The following GARIN1B variants were observed in gnomAD, a reference collection of about 807,000 sequenced individuals.
GARIN1B encodes golgi associated RAB2 interactor 1B, also known as Golgi-associated RAB2 interactor protein 1B.
At chr7:128,721,155 T>C in the GARIN1B span, among the ~76,000 whole-genome samples, 1 of 152,136 alleles carries the variant, frequency 6.6e-6, no homozygotes, top group Non-Finnish European at 1.5e-5. Flanking sequence ...TTTGTAGCTT[T>C]TGTTTTGTTT....
At chr7:128,724,623 G>A in the GARIN1B span, 1 of 936,220 alleles carries the variant, frequency 1.1e-6, no homozygotes, top group African/African-American at 1.7e-5. Context: ...GGGTACCACA[G>A]AATATTCAGT....
At chr7:128,709,882 G>T in the GARIN1B span, among the ~76,000 whole-genome samples, 1 of 151,844 alleles carries the variant, frequency 6.6e-6, no homozygotes, top group African/African-American at 2.4e-5. Context: ...CTCCTGAGTA[G>T]CTGGGATTAC....
chr7:128,729,361 A>T, the GARIN1B span, among the ~76,000 whole-genome samples: 7 of 152,222 alleles, frequency 4.6e-5, no homozygotes, highest in African/African-American at 4.8e-5. Flanking sequence ...ATGTCCAAAC[A>T]GTCCCCCATA....
chr7:128,724,851 C>G, the GARIN1B span: 2 of 1,289,300 alleles, frequency 1.6e-6, no homozygotes, highest in Non-Finnish European at 2.0e-6. Context: ...ACCAGTACAG[C>G]TTGGAGGAGG....
the GARIN1B span, among the ~76,000 whole-genome samples, chr7:128,727,558 G>A: frequency 7.2e-5 from 11 of 152,260 alleles, no homozygotes; most frequent in African/African-American, 2.6e-4. Flanking sequence ...CTATTTCCAG[G>A]TTCTAGTTCA....
the GARIN1B span, among the ~76,000 whole-genome samples, chr7:128,723,818 C>G: frequency 6.6e-6 from 1 of 151,682 alleles, no homozygotes; most frequent in African/African-American, 2.4e-5. Context: ...AGTCACTGTT[C>G]AGTCTTTATC....
At chr7:128,730,047 G>A in the GARIN1B span, 2 of 1,614,016 alleles carry the variant, frequency 1.2e-6, no homozygotes, top group Non-Finnish European at 1.7e-6. Context: ...CCTCCACCGG[G>A]CCACAGCTGG....
At chr7:128,709,361 A>T in the GARIN1B span, among the ~76,000 whole-genome samples, 3 of 152,130 alleles carry the variant, frequency 2.0e-5, no homozygotes, top group South Asian at 6.2e-4. Flanking sequence ...TTCTTATTTC[A>T]TGTTTTATGT....
chr7:128,719,148 T>G, the GARIN1B span: 1 of 1,561,702 alleles, frequency 6.4e-7, no homozygotes. Context: ...TTAACCCAGC[T>G]GGTATGTGAG....
the GARIN1B span, chr7:128,713,941 C>A: frequency 1.3e-6 from 2 of 1,512,434 alleles, no homozygotes; most frequent in Non-Finnish European, 1.8e-6. Flanking sequence ...CAGGGAAATG[C>A]AAACCAAAGG....
chr7:128,719,267 T>C, the GARIN1B span, among the ~76,000 whole-genome samples: 1 of 151,892 alleles, frequency 6.6e-6, no homozygotes, highest in Non-Finnish European at 1.5e-5. Context: ...TATAATTGTT[T>C]TGTTTTATAT....
the GARIN1B span, chr7:128,714,159 T>C: frequency 5.2e-6 from 8 of 1,534,702 alleles, no homozygotes; most frequent in South Asian, 7.1e-5. Flanking sequence ...CCTTTAGGCT[T>C]CTCCCTGACT....
the GARIN1B span, among the ~76,000 whole-genome samples, chr7:128,709,759 T>G: frequency 3.9e-5 from 5 of 128,120 alleles, no homozygotes; most frequent in Admixed American, 4.7e-4. Context: ...TCTTTTTTTT[T>G]TTTTTTTTTT....
At chr7:128,726,828 T>C in the GARIN1B span, 1 of 1,613,666 alleles carries the variant, frequency 6.2e-7, no homozygotes, top group Non-Finnish European at 8.5e-7. Flanking sequence ...ATGGCTCGAG[T>C]TTCAGGAGCA....
At chr7:128,724,417 G>C in the GARIN1B span, among the ~76,000 whole-genome samples, 2 of 152,028 alleles carry the variant, frequency 1.3e-5, no homozygotes, top group African/African-American at 2.4e-5. Flanking sequence ...ACTCACCCAA[G>C]GTCTCTGCTT....
the GARIN1B span, chr7:128,714,244 G>A: frequency 3.6e-6 from 4 of 1,110,408 alleles, no homozygotes; most frequent in Non-Finnish European, 5.3e-6. Context: ...GTCTATATGT[G>A]TTACATTTGA....
chr7:128,731,123 C>T, the GARIN1B span: 3 of 1,609,752 alleles, frequency 1.9e-6, no homozygotes, highest in Non-Finnish European at 2.6e-6. Flanking sequence ...AGCCACCCTT[C>T]CGCACTGGGG....
the GARIN1B span, chr7:128,716,959 G>C: frequency 6.2e-7 from 1 of 1,613,642 alleles, no homozygotes; most frequent in Non-Finnish European, 8.5e-7. Flanking sequence ...ACCAGACATG[G>C]AACAGACCAT....
the GARIN1B span, chr7:128,716,883 C>T: frequency 2.4e-5 from 39 of 1,613,822 alleles, no homozygotes; most frequent in African/African-American, 4.0e-5. Context: ...GTGACCTCCT[C>T]GGTACCCTGC....
Sources: gnomAD v4.1 joint callset for allele counts (sites outside exome capture counted in the v4.1 genomes callset) on GRCh38, gnomAD v4.1.1 for gene constraint, MANE v1.5 for transcripts, NCBI Gene and HGNC (gene_info 2026-07-23, HGNC 2026-07-21) for gene names.